MMP26: variants seen among roughly 807,000 people sequenced by gnomAD.
MMP26 encodes the protein matrix metallopeptidase 26.
A neutral mutation model predicts 31.0 loss-of-function variants in MMP26; 33 were observed. That is an observed-to-expected ratio of 1.06 (90% CI 0.81 to 1.42). The LOEUF (loss-of-function observed/expected upper bound fraction) is 1.42, where lower values mean the gene tolerates loss of function less well. MMP26 is among the 40% of genes most tolerant of loss of function. The probability of loss-of-function intolerance (pLI) is 0.00; values close to 1 mark genes in which losing one functional copy is unlikely to be tolerated. For synonymous variants in MMP26, 122 were observed against 114.9 expected (o/e 1.06, Z -0.40); for missense variants, 347 against 316.1 (o/e 1.10, Z -0.74).
chr11:4,914,598 A>G (rs1279255390), intron 2 of MMP26: 15 of 699,010 alleles, frequency 2.1e-5, no homozygotes, highest in Non-Finnish European at 3.1e-5. Context: ...ACTGTAACTC[A>G]TCCCTGTACA....
rs1846385712 is a variant in MMP26 at position 4,952,639 on chromosome 11, AGG to A, written c.-144-35428_-144-35427del. On this transcript the variant is annotated intron_variant, in intron 2 of 7. Coordinates refer to ENST00000380390, the MANE Select transcript of MMP26 (RefSeq NM_021801.5). Reference sequence around the variant, plus strand: ...ATACTATCCTGGAGTATCAGAGATTAGGTTTGAATCCCAGCTTTTGATTTCCT... The same window carrying A: ...ATACTATCCTGGAGTATCAGAGATTATTTGAATCCCAGCTTTTGATTTCCT... 1.6e-5 allele frequency among the ~76,000 whole-genome samples: 2 copies of A among 125,408 alleles called. 1 individual carries two copies. The highest frequency in any genetic ancestry group is 1.8e-4 in the Admixed American group (2 of 11,266). The allele number at this position is 125,408 out of a possible 152,430, so 82.3% of individuals were successfully genotyped here. A position where few individuals can be genotyped will look rare whatever the true frequency, so the allele number is the denominator to read the frequency against.
intron 1 of MMP26, chr11:4,723,110 G>A: frequency 6.4e-7 from 1 of 1,550,448 alleles, no homozygotes; most frequent in South Asian, 1.1e-5. Context: ...CCGCTGCAGG[G>A]CGGCCTCCAG....
intron 2 of MMP26, among the ~76,000 whole-genome samples, chr11:4,823,539 C>G (rs1380245382): frequency 6.6e-6 from 1 of 152,116 alleles, no homozygotes; most frequent in Non-Finnish European, 1.5e-5. Flanking sequence ...GTCTACCAGT[C>G]TATTCATGAA....
At chr11:4,837,067 C>A (rs1382982933) in intron 2 of MMP26, among the ~76,000 whole-genome samples, 1 of 151,892 alleles carries the variant, frequency 6.6e-6, no homozygotes, top group African/African-American at 2.4e-5. Flanking sequence ...CAAACAAGAT[C>A]AAAGACAAAT....
intron 2 of MMP26, among the ~76,000 whole-genome samples, chr11:4,782,208 C>T (rs1168087428): frequency 6.6e-5 from 10 of 152,292 alleles, no homozygotes; most frequent in African/African-American, 2.4e-4. Flanking sequence ...AAGTTTAGAA[C>T]TCCCTAGGGT....
chr11:4,786,564 T>C (rs118136036), intron 2 of MMP26, among the ~76,000 whole-genome samples: 2,839 of 146,578 alleles, frequency 0.019, 51 homozygotes, highest in South Asian at 0.071. Flanking sequence ...GGATTATGAG[T>C]ATGAGAAGTG....
At chr11:4,947,434 C>G in intron 2 of MMP26, 1 of 197,460 alleles carries the variant, frequency 5.1e-6, no homozygotes, top group Non-Finnish European at 1.0e-5. Context: ...TAACTGGAAT[C>G]TTCTATTTCT....
In MMP26 at chr11:4,769,008, C is replaced by A. The variant is rs1176887374; in HGVS notation, c.-145+1667C>A. 18 of 1,518,896 alleles carry A rather than the reference C, an allele frequency of 1.2e-5. No individual in the cohort carries two copies. Among genetic ancestry groups the A allele is most frequent in the Non-Finnish European group, 1.6e-5 (18 of 1,134,070 alleles). 94.1% of individuals were successfully genotyped at this position (1,518,896 alleles called of 1,614,324 possible). A position where few individuals can be genotyped will look rare whatever the true frequency, so the allele number is the denominator to read the frequency against. On this transcript the variant is annotated intron_variant, in intron 2 of 7. Transcript: ENST00000380390. Reference sequence around the variant, plus strand: ...TTTGTAAGCAGCAGACTGAGCATAGCCTTGCGGATTTGTTTTGTTTTTACA... The same window carrying A: ...TTTGTAAGCAGCAGACTGAGCATAGACTTGCGGATTTGTTTTGTTTTTACA...
intron 2 of MMP26, among the ~76,000 whole-genome samples, chr11:4,836,083 C>T (rs979699417): frequency 5.3e-5 from 8 of 151,824 alleles, no homozygotes; most frequent in African/African-American, 1.2e-4. Flanking sequence ...GAAAACTTAC[C>T]GTTAATGTTT....
At chr11:4,805,991 T>G in intron 2 of MMP26, among the ~76,000 whole-genome samples, 1 of 152,108 alleles carries the variant, frequency 6.6e-6, no homozygotes, top group East Asian at 1.9e-4. Flanking sequence ...AAGAAAAGTA[T>G]GCATTTAAAT....
chr11:4,830,947 T>C (rs979516788), intron 2 of MMP26, among the ~76,000 whole-genome samples: 10 of 152,156 alleles, frequency 6.6e-5, no homozygotes, highest in Non-Finnish European at 1.5e-4. Flanking sequence ...GGTGAGTACT[T>C]TAAACAGGTA....
At chr11:4,885,562 T>G (rs1210166565) in intron 2 of MMP26, among the ~76,000 whole-genome samples, 1 of 152,114 alleles carries the variant, frequency 6.6e-6, no homozygotes, top group Non-Finnish European at 1.5e-5. Flanking sequence ...ATCATAGGTA[T>G]GTAGTAGGCT....
At chr11:4,854,755 G>A (rs776290558) in intron 2 of MMP26, among the ~76,000 whole-genome samples, 109 of 152,230 alleles carry the variant, frequency 7.2e-4, no homozygotes, top group Non-Finnish European at 8.8e-4. Flanking sequence ...AGAATGGACA[G>A]ACTGTCTCCT....
At chr11:4,819,566 A>ATTTTTTTTTTTTTTTTTTTTT (rs71050433) in intron 2 of MMP26, among the ~76,000 whole-genome samples, 1 of 50,278 alleles carries the variant, frequency 2.0e-5, no homozygotes, top group African/African-American at 8.8e-5. Context: ...GAGTCGACTG[A>ATTTTTTTTTTTTTTTTTTTTT]TTTTTTTTTT....
intron 1 of MMP26, among the ~76,000 whole-genome samples, chr11:4,743,231 G>A (rs1405808273): frequency 6.6e-6 from 1 of 152,074 alleles, no homozygotes; most frequent in Non-Finnish European, 1.5e-5. Context: ...AAATGCACAG[G>A]CATCAGGTTT....
At chr11:4,829,766 C>A (rs1004737300) in intron 2 of MMP26, among the ~76,000 whole-genome samples, 8 of 152,188 alleles carry the variant, frequency 5.3e-5, no homozygotes, top group African/African-American at 1.9e-4. Context: ...GATGACCAAA[C>A]AGAACACATT....
chr11:4,813,015 G>A (rs868075717), intron 2 of MMP26, among the ~76,000 whole-genome samples: 3,722 of 147,684 alleles, frequency 0.025, 157 homozygotes, highest in African/African-American at 0.086. Context: ...GTGTGTGTAT[G>A]TATATATATA....
At chr11:4,908,349 A>C in intron 2 of MMP26, 1 of 1,510,446 alleles carries the variant, frequency 6.6e-7, no homozygotes, top group South Asian at 1.1e-5. Flanking sequence ...ACCAGTAGGC[A>C]TTTACTGTCA....
chr11:4,849,263 C>T, intron 2 of MMP26: 1 of 1,535,660 alleles, frequency 6.5e-7, no homozygotes, highest in Non-Finnish European at 8.7e-7. Context: ...GAAAGGTTTA[C>T]TTAATCGCGT....
Sources: gnomAD v4.1 joint callset for allele counts (sites outside exome capture counted in the v4.1 genomes callset) on GRCh38, gnomAD v4.1.1 for gene constraint, MANE v1.5 for transcripts, NCBI Gene and HGNC (gene_info 2026-07-23, HGNC 2026-07-21) for gene names.